The following RICTOR variants were observed in gnomAD, a reference collection of about 807,000 sequenced individuals.
The protein encoded by RICTOR is RPTOR independent companion of MTOR complex 2, also known as rapamycin-insensitive companion of mTOR.
In RICTOR, 49 loss-of-function variants were observed where a neutral mutation model predicts 214.9. The ratio of observed to expected loss-of-function variants is 0.23; its 90% CI spans 0.18 to 0.29. The LOEUF is 0.29. Ranked by LOEUF, RICTOR falls within the 10% of genes least tolerant of loss-of-function variation. The probability of loss-of-function intolerance (pLI) is 1.00; values close to 1 mark genes in which losing one functional copy is unlikely to be tolerated. For missense variants in RICTOR, 1,625 were observed against 2,047.0 expected (o/e 0.79, Z 3.98); for synonymous variants, 717 against 711.3 (o/e 1.01, Z -0.13).
chr5:39,038,020 G>A (rs929534367), intron 2 of RICTOR, among the ~76,000 whole-genome samples: 2 of 152,060 alleles, frequency 1.3e-5, no homozygotes, highest in East Asian at 1.9e-4. Flanking sequence ...CAACCAAAAA[G>A]GAGAATTTTA....
At chr5:39,026,574 T>G (rs1002358076) in intron 2 of RICTOR, among the ~76,000 whole-genome samples, 4 of 152,048 alleles carry the variant, frequency 2.6e-5, no homozygotes, top group African/African-American at 9.7e-5. Context: ...TTTAATATAT[T>G]CAATTGTAGA....
chr5:39,008,733 T>C (rs1675499099), intron 3 of RICTOR, among the ~76,000 whole-genome samples: 1 of 151,630 alleles, frequency 6.6e-6, no homozygotes, highest in South Asian at 2.1e-4. Context: ...AAAAAAAAAC[T>C]GCCCATTTCA....
At chr5:39,060,604 T>C (rs1334975646) in intron 2 of RICTOR, among the ~76,000 whole-genome samples, 1 of 151,994 alleles carries the variant, frequency 6.6e-6, no homozygotes, top group Non-Finnish European at 1.5e-5. Flanking sequence ...AAAGTTAACA[T>C]ACTTTAACTT....
chr5:39,022,304 T>C (rs1198422367), intron 2 of RICTOR: 1 of 152,310 alleles, frequency 6.6e-6, no homozygotes, highest in Non-Finnish European at 1.5e-5. Flanking sequence ...GCTTAACATA[T>C]GTGTAACTGG....
At chr5:39,057,187 G>C (rs1758257822) in intron 2 of RICTOR, among the ~76,000 whole-genome samples, 1 of 152,034 alleles carries the variant, frequency 6.6e-6, no homozygotes, top group African/African-American at 2.4e-5. Flanking sequence ...GCAATTTGAA[G>C]GACTAATAAT....
At chr5:39,027,494 T>C (rs1021476177) in intron 2 of RICTOR, among the ~76,000 whole-genome samples, 1 of 152,142 alleles carries the variant, frequency 6.6e-6, no homozygotes, top group African/African-American at 2.4e-5. Flanking sequence ...AAAATAAATA[T>C]AATAAATGTA....
At chr5:38,983,008 G>C (rs1751848478) in intron 7 of RICTOR, among the ~76,000 whole-genome samples, 1 of 151,904 alleles carries the variant, frequency 6.6e-6, no homozygotes, top group South Asian at 2.1e-4. Flanking sequence ...TAAAATCACA[G>C]ATCTTAATGG....
intron 2 of RICTOR, among the ~76,000 whole-genome samples, chr5:39,069,664 T>A (rs1759164856): frequency 6.6e-6 from 1 of 152,160 alleles, no homozygotes; most frequent in Non-Finnish European, 1.5e-5. Flanking sequence ...AATTAGATAA[T>A]TCTTCCATTT....
At chr5:38,954,396 G>T (rs1749058433) in intron 27 of RICTOR, among the ~76,000 whole-genome samples, 1 of 151,748 alleles carries the variant, frequency 6.6e-6, no homozygotes, top group Non-Finnish European at 1.5e-5. Flanking sequence ...AACTTAATCT[G>T]TATTAGGTTC....
intron 3 of RICTOR, among the ~76,000 whole-genome samples, chr5:39,019,247 A>G (rs1018808606): frequency 6.6e-6 from 1 of 152,228 alleles, no homozygotes; most frequent in Non-Finnish European, 1.5e-5. Flanking sequence ...AGATACTGCT[A>G]AGATCACTGA....
rs186296583 is a variant in RICTOR at position 39,036,111 on chromosome 5, G to A, written c.98-14975C>T. On this transcript the variant is annotated intron_variant, in intron 2 of 37. Coordinates refer to ENST00000357387, the MANE Select transcript of RICTOR (RefSeq NM_152756.5). ...AAGGGAAGCCCATCAGACTAACAGC[G>A]GATCTCTCCGCAGAAACTCAACAAG... is the stretch of plus-strand genomic sequence containing the variant. 3.5e-3 allele frequency among the ~76,000 whole-genome samples: 530 copies of A among 152,296 alleles called. 5 individuals are homozygous for A. Among genetic ancestry groups the A allele is most frequent in the Non-Finnish European group, 1.6e-3 (106 of 68,010 alleles).
intron 3 of RICTOR, among the ~76,000 whole-genome samples, chr5:39,020,031 G>A (rs1043592194): frequency 2.6e-5 from 4 of 152,170 alleles, no homozygotes; most frequent in African/African-American, 9.7e-5. Flanking sequence ...AGATGTGGAA[G>A]AAATAGCAAG....
chr5:38,965,582 G>C lies in RICTOR; in HGVS notation c.1300-690C>G, dbSNP rs576823679. Among the ~76,000 whole-genome samples the C allele has an allele frequency of 4.1e-4, 63 of 152,038 alleles. 1 individual carries two copies. In the South Asian group the frequency reaches 0.013, roughly 32 times the overall value. Reference sequence around the variant, plus strand: ...TAAAAGCAAATAACTCTGAATATTGGTATTCTTGAACAGGAAATGGTATCT... The same window carrying C: ...TAAAAGCAAATAACTCTGAATATTGCTATTCTTGAACAGGAAATGGTATCT... On this transcript the variant is annotated intron_variant, in intron 15 of 37. Coordinates refer to ENST00000357387, the MANE Select transcript of RICTOR (RefSeq NM_152756.5).
intron 5 of RICTOR, among the ~76,000 whole-genome samples, chr5:38,999,157 C>T (rs1753425790): frequency 6.7e-6 from 1 of 150,222 alleles, no homozygotes; most frequent in African/African-American, 2.5e-5. Context: ...AGAAACTAAG[C>T]ACACTGAAAT....
At chr5:39,061,471 A>G (rs944022991) in intron 2 of RICTOR, among the ~76,000 whole-genome samples, 1 of 152,048 alleles carries the variant, frequency 6.6e-6, no homozygotes, top group African/African-American at 2.4e-5. Flanking sequence ...GAGGTCTACT[A>G]ATTTCTAAAG....
intron 7 of RICTOR, among the ~76,000 whole-genome samples, chr5:38,983,352 A>T (rs1239265): frequency 0.96 from 145,467 of 152,314 alleles, 69,595 homozygotes; most frequent in East Asian, 0.99. Flanking sequence ...ACATAGTCCT[A>T]CTACCTAAAA....
intron 8 of RICTOR, chr5:38,981,079 A>AT (rs903463404): frequency 6.6e-6 from 1 of 152,198 alleles, no homozygotes; most frequent in Admixed American, 6.5e-5. Context: ...GCTAATGTCA[A>AT]TTTTATAATG....
chr5:38,996,929 A>G (rs768591992), intron 5 of RICTOR, 47 bp from the exon 6 acceptor site: 9 of 1,293,430 alleles, frequency 7.0e-6, no homozygotes, highest in Non-Finnish European at 1.0e-5. Context: ...TCTATTAAAC[A>G]ACTTTTTGTA....
intron 32 of RICTOR, among the ~76,000 whole-genome samples, chr5:38,947,012 A>T (rs1396441155): frequency 6.6e-6 from 1 of 152,090 alleles, no homozygotes; most frequent in Non-Finnish European, 1.5e-5. Flanking sequence ...GGATAAAGAA[A>T]TCAAATGAGA....
Sources: gnomAD v4.1 joint callset for allele counts (sites outside exome capture counted in the v4.1 genomes callset) on GRCh38, gnomAD v4.1.1 for gene constraint, MANE v1.5 for transcripts, NCBI Gene and HGNC (gene_info 2026-07-23, HGNC 2026-07-21) for gene names.